The following NRG1 variants were observed in gnomAD, a reference collection of about 807,000 sequenced individuals.
The protein encoded by NRG1 is pro-neuregulin-1, membrane-bound isoform.
A neutral mutation model predicts 63.8 loss-of-function variants in NRG1; 18 were observed. That is an observed-to-expected ratio of 0.28 (90% CI 0.19 to 0.42). The LOEUF (loss-of-function observed/expected upper bound fraction) is 0.42, where lower values mean the gene tolerates loss of function less well. Among genes scored for constraint, NRG1 ranks in the 10% least tolerant of loss-of-function variants. The pLI, the probability that NRG1 is intolerant of heterozygous loss-of-function variation, is 1.00. For missense variants in NRG1, 762 were observed against 814.7 expected, an observed-to-expected ratio of 0.94 and a Z score of 0.79; for synonymous variants, 302 against 301.3, an observed-to-expected ratio of 1.00 and a Z score of -0.02.
At chr8:31,968,442 T>C (rs374119860) in intron 1 of NRG1, among the ~76,000 whole-genome samples, 2 of 152,264 alleles carry the variant, frequency 1.3e-5, no homozygotes, top group East Asian at 3.9e-4. Flanking sequence ...AAATTACATA[T>C]CACTTTATTT....
intron 1 of NRG1, among the ~76,000 whole-genome samples, chr8:31,843,909 C>T (rs1826431719): frequency 6.6e-6 from 1 of 152,084 alleles, no homozygotes; most frequent in African/African-American, 2.4e-5. Context: ...GTGGGATGAT[C>T]CAACACTAGG....
chr8:32,362,903 G>A (rs1487150), intron 1 of NRG1, among the ~76,000 whole-genome samples: 44,389 of 151,952 alleles, frequency 0.29, 6,741 homozygotes, highest in South Asian at 0.34. Context: ...CTGAAGCCCC[G>A]TTTTCCAGAC....
chr8:31,982,472 G>T (rs1390952630), intron 1 of NRG1, among the ~76,000 whole-genome samples: 1 of 152,046 alleles, frequency 6.6e-6, no homozygotes, highest in Non-Finnish European at 1.5e-5. Flanking sequence ...AATTACCAAG[G>T]CAGAGATGTG....
intron 1 of NRG1, among the ~76,000 whole-genome samples, chr8:31,863,291 C>G (rs1828643610): frequency 6.6e-6 from 1 of 152,154 alleles, no homozygotes; most frequent in South Asian, 2.1e-4. Flanking sequence ...TTGGCAAGTA[C>G]CTTTTCATGT....
chr8:32,484,288 C>T (rs943505561), intron 1 of NRG1, among the ~76,000 whole-genome samples: 2 of 152,120 alleles, frequency 1.3e-5, no homozygotes, highest in Non-Finnish European at 2.9e-5. Context: ...GAACATCCAC[C>T]TTTATGCTGT....
intron 1 of NRG1, among the ~76,000 whole-genome samples, chr8:32,506,095 T>A (rs1231420033): frequency 1.3e-5 from 2 of 151,948 alleles, no homozygotes; most frequent in Non-Finnish European, 2.9e-5. Flanking sequence ...AAAAAAAATT[T>A]AAAAATTACC....
chr8:32,317,799 G>A (rs1269374575), intron 1 of NRG1, among the ~76,000 whole-genome samples: 1 of 152,220 alleles, frequency 6.6e-6, no homozygotes, highest in Non-Finnish European at 1.5e-5. Context: ...TCTACCTGTT[G>A]TTATATAGCT....
intron 1 of NRG1, among the ~76,000 whole-genome samples, chr8:32,360,309 T>C (rs1281070360): frequency 2.0e-5 from 3 of 152,168 alleles, no homozygotes; most frequent in Non-Finnish European, 4.4e-5. Flanking sequence ...ATTGTCAAAA[T>C]AAGCTGTGAA....
chr8:31,683,066 A>G (rs539585119), intron 1 of NRG1, among the ~76,000 whole-genome samples: 1 of 152,252 alleles, frequency 6.6e-6, no homozygotes, highest in South Asian at 2.1e-4. Context: ...CTCGGGAGAA[A>G]CGATCTTCCT....
At chr8:32,127,447 G>A (rs1305035821) in intron 1 of NRG1, among the ~76,000 whole-genome samples, 1 of 151,514 alleles carries the variant, frequency 6.6e-6, no homozygotes, top group Non-Finnish European at 1.5e-5. Context: ...CTCACAAATA[G>A]TTTAGCCCCT....
intron 1 of NRG1, among the ~76,000 whole-genome samples, chr8:32,542,358 A>C (rs1563607923): frequency 6.6e-6 from 1 of 152,190 alleles, no homozygotes; most frequent in Non-Finnish European, 1.5e-5. Context: ...CATCATCATC[A>C]TCAAAAATTT....
rs189979147 is a variant in NRG1, at chr8:32,355,695, C to A, written c.38-240133C>A. Among the ~76,000 whole-genome samples the A allele has an allele frequency of 3.4e-3, 508 of 151,232 alleles. 4 individuals are homozygous for A. Among genetic ancestry groups the A allele is most frequent in the African/African-American group, 0.011 (471 of 41,280 alleles). On this transcript the variant is annotated intron_variant, in intron 1 of 10. Coordinates refer to the NRG1 transcript ENST00000519301. The stretch of plus-strand genomic sequence containing the variant: ...AAAAAAAAAACTGAGTAAAAAAATT[C>A]TTTGCAAAAGAGTAAAAAAGAGATT...
At chr8:32,741,276 G>A (rs1050722649) in intron 6 of NRG1, among the ~76,000 whole-genome samples, 11 of 152,068 alleles carry the variant, frequency 7.2e-5, no homozygotes, top group Admixed American at 5.9e-4. Flanking sequence ...TTTAAAAATA[G>A]TTTTTCCTTA....
chr8:32,001,136 A>G (rs1812854562), intron 1 of NRG1, among the ~76,000 whole-genome samples: 1 of 152,044 alleles, frequency 6.6e-6, no homozygotes, highest in East Asian at 1.9e-4. Context: ...GTGAGTAAAT[A>G]TGAATACTAA....
intron 1 of NRG1, among the ~76,000 whole-genome samples, chr8:31,728,511 A>G (rs1813684282): frequency 6.6e-6 from 1 of 152,162 alleles, no homozygotes; most frequent in South Asian, 2.1e-4. Context: ...TTTTGGCTCA[A>G]ATATTGGTAG....
intron 1 of NRG1, among the ~76,000 whole-genome samples, chr8:31,893,968 A>G (rs1831355492): frequency 6.6e-6 from 1 of 152,120 alleles, no homozygotes; most frequent in Non-Finnish European, 1.5e-5. Flanking sequence ...GATCATTGTT[A>G]TTCTATAAAA....
intron 1 of NRG1, among the ~76,000 whole-genome samples, chr8:32,340,482 C>T (rs1394687158): frequency 2.0e-5 from 3 of 152,106 alleles, no homozygotes; most frequent in East Asian, 3.9e-4. Flanking sequence ...TGATGCTGTA[C>T]CATTGGTAGT....
intron 1 of NRG1, among the ~76,000 whole-genome samples, chr8:32,091,233 A>G (rs113043284): frequency 3.3e-5 from 5 of 151,282 alleles, no homozygotes; most frequent in African/African-American, 4.9e-5. Context: ...AGCTGAGATC[A>G]CGCCACTGCA....
At chr8:32,663,009 T>G (rs1226030296) in intron 5 of NRG1, among the ~76,000 whole-genome samples, 2 of 152,162 alleles carry the variant, frequency 1.3e-5, no homozygotes, top group African/African-American at 4.8e-5. Context: ...GCAGTGAAAT[T>G]GAGGATGTCT....
Sources: gnomAD v4.1 joint callset for allele counts (sites outside exome capture counted in the v4.1 genomes callset) on GRCh38, gnomAD v4.1.1 for gene constraint, MANE v1.5 for transcripts, NCBI Gene and HGNC (gene_info 2026-07-23, HGNC 2026-07-21) for gene names.